The following KHDRBS2 variants were observed in gnomAD, a reference collection of about 807,000 sequenced individuals.
KHDRBS2 encodes KH domain-containing, RNA-binding, signal transduction-associated protein 2.
In KHDRBS2, 26 loss-of-function variants were observed where a neutral mutation model predicts 44.3. The observed-to-expected ratio is 0.59, with a 90% CI of 0.43 to 0.81. The LOEUF is 0.81. Among genes scored for constraint, KHDRBS2 ranks in the 40% least tolerant of loss-of-function variants. KHDRBS2 has a pLI of 0.00. For missense variants in KHDRBS2, 476 were observed against 433.1 expected (o/e 1.10, Z -0.88); for synonymous variants, 194 against 151.1 (o/e 1.28, Z -2.08).
intron 6 of KHDRBS2, among the ~76,000 whole-genome samples, chr6:61,794,975 C>G (rs1454838740): frequency 6.6e-6 from 1 of 151,488 alleles, no homozygotes; most frequent in Non-Finnish European, 1.5e-5. Context: ...CCTGTCTCTA[C>G]TAAAAATACA....
At chr6:61,976,516 G>T (rs1172042705) in intron 4 of KHDRBS2, among the ~76,000 whole-genome samples, 4 of 151,512 alleles carry the variant, frequency 2.6e-5, no homozygotes, top group South Asian at 2.1e-4. Context: ...TAACTATGCA[G>T]AAAATCATCC....
intron 6 of KHDRBS2, among the ~76,000 whole-genome samples, chr6:61,787,935 T>C (rs1370107200): frequency 6.6e-6 from 1 of 151,618 alleles, no homozygotes; most frequent in African/African-American, 2.4e-5. Flanking sequence ...TTATGCATAG[T>C]TCTGAATAAC....
chr6:61,896,363 A>C lies in KHDRBS2; in HGVS notation c.612-1530T>G, dbSNP rs535849609. On this transcript the variant is annotated intron_variant, in intron 5 of 8. Transcript: ENST00000281156. ...TTGAATAGTCATGGGTAAGTATTAT[A>C]ACTACCTAGGCTTAAGATAGATATT... is the stretch of plus-strand genomic sequence containing the variant. Among the ~76,000 whole-genome samples, 6 of 152,320 alleles carry C rather than the reference A, an allele frequency of 3.9e-5. No homozygotes were observed. The South Asian group carries it at 1.2e-3, about 32-fold the overall frequency.
chr6:61,799,011 A>G (rs562318450), intron 6 of KHDRBS2, among the ~76,000 whole-genome samples: 2 of 152,160 alleles, frequency 1.3e-5, no homozygotes, highest in South Asian at 4.1e-4. Flanking sequence ...AAAGGAGCCA[A>G]AGGAACAGGT....
chr6:62,225,637 G>T (rs765518972), intron 1 of KHDRBS2, among the ~76,000 whole-genome samples: 1 of 152,116 alleles, frequency 6.6e-6, no homozygotes, highest in Non-Finnish European at 1.5e-5. Flanking sequence ...CGTCATGTAG[G>T]TTTTAAGCCC....
chr6:61,818,325 G>C (rs1262559194), intron 6 of KHDRBS2, among the ~76,000 whole-genome samples: 1 of 146,678 alleles, frequency 6.8e-6, no homozygotes, highest in East Asian at 2.0e-4. Flanking sequence ...GAAAAGGATA[G>C]AAAAAAGACG....
chr6:61,998,573 G>A (rs1473144211), intron 3 of KHDRBS2, among the ~76,000 whole-genome samples: 2 of 151,936 alleles, frequency 1.3e-5, no homozygotes, highest in African/African-American at 4.8e-5. Flanking sequence ...TATTTTTGGA[G>A]GTCACTTTAA....
intron 1 of KHDRBS2, among the ~76,000 whole-genome samples, chr6:62,282,637 G>A (rs1487465326): frequency 6.6e-6 from 1 of 151,956 alleles, no homozygotes; most frequent in Non-Finnish European, 1.5e-5. Flanking sequence ...ATAGACTTAA[G>A]AACATAAATC....
At chr6:62,029,321 C>CT (rs561505661) in intron 3 of KHDRBS2, among the ~76,000 whole-genome samples, 173 of 150,540 alleles carry the variant, frequency 1.1e-3, no homozygotes, top group African/African-American at 1.6e-3. Flanking sequence ...TGGATGGGGA[C>CT]TTTTTTTTTA....
chr6:61,822,721 C>A (rs1248549877), intron 6 of KHDRBS2, among the ~76,000 whole-genome samples: 2 of 152,040 alleles, frequency 1.3e-5, no homozygotes, highest in African/African-American at 4.8e-5. Context: ...GTTCTCTGCA[C>A]TATGTCAGCA....
chr6:62,286,003 G>T lies in KHDRBS2; in HGVS notation c.-55C>A. ...AGCGCGAGGTTCCGCTCGCTCGGAC[G>T]CAGGCAGGGTCTTGGGGCAGCGCCT... On this transcript the variant is annotated 5_prime_UTR_variant, in exon 1 of 9. Transcript: ENST00000281156. 8.9e-7 allele frequency: 1 copy of T among 1,120,096 alleles called. No individual in the cohort carries two copies. Among genetic ancestry groups the T allele is most frequent in the Non-Finnish European group, 1.3e-6 (1 of 746,780 alleles). The allele number at this position is 1,120,096 out of a possible 1,614,324, so 69.4% of individuals were successfully genotyped here. A position where few individuals can be genotyped will look rare whatever the true frequency, so the allele number is the denominator to read the frequency against.
At chr6:61,797,725 T>TTGTGTGTGTGTGTGTG (rs56038952) in intron 6 of KHDRBS2, among the ~76,000 whole-genome samples, 1 of 114,752 alleles carries the variant, frequency 8.7e-6, no homozygotes, top group Non-Finnish European at 2.1e-5. Flanking sequence ...GTATGGTGTT[T>TTGTGTGTGTGTGTGTG]TGTGTGTGTG....
chr6:62,229,071 T>C (rs964763013), intron 1 of KHDRBS2, among the ~76,000 whole-genome samples: 1 of 152,118 alleles, frequency 6.6e-6, no homozygotes, highest in East Asian at 1.9e-4. Flanking sequence ...AACACAATCA[T>C]CTGGGCTGCC....
chr6:61,901,098 A>T, intron 5 of KHDRBS2, 146 bp downstream of exon 5: 1 of 739,874 alleles, frequency 1.4e-6, no homozygotes, highest in Non-Finnish European at 2.2e-6. Context: ...TCTGTGCCTG[A>T]TAAGCTTTCA....
At chr6:61,841,742 A>G (rs72880666) in intron 6 of KHDRBS2, among the ~76,000 whole-genome samples, 3,957 of 152,312 alleles carry the variant, frequency 0.026, 81 homozygotes, top group Non-Finnish European at 0.038. Context: ...GGCATTTATT[A>G]TAAAGCATAC....
chr6:61,901,333 T>C lies in KHDRBS2; in HGVS notation c.522A>G (p.Glu174=). ...NDEIRQEQLR[E]LSYLNGSEDS... ...CCTCTGAGCCATTTAAGTAAGATAA[T>C]TCACGTAGTTGTTCCTGACGAATTT... Residue 174 remains glutamate (E), a synonymous_variant, in exon 5 of 9, where the codon GAA becomes GAG. Coordinates refer to ENST00000281156, the MANE Select transcript of KHDRBS2 (RefSeq NM_152688.4). 6.2e-7 allele frequency: 1 copy of C among 1,613,334 alleles called. No individual in the cohort carries two copies. Among genetic ancestry groups the C allele is most frequent in the East Asian group, 2.2e-5 (1 of 44,840 alleles).
At chr6:61,728,632 T>C (rs1393639051) in intron 7 of KHDRBS2, among the ~76,000 whole-genome samples, 4 of 152,280 alleles carry the variant, frequency 2.6e-5, no homozygotes, top group African/African-American at 7.2e-5. Context: ...TTTATTAACA[T>C]AGATAGATGT....
At chr6:62,082,293 G>A (rs1584579639) in intron 2 of KHDRBS2, among the ~76,000 whole-genome samples, 1 of 138,848 alleles carries the variant, frequency 7.2e-6, no homozygotes, top group Non-Finnish European at 1.5e-5. Flanking sequence ...AGTTTAAAGA[G>A]AGAGCAAATA....
rs1261300551 is a variant in KHDRBS2 at position 62,064,086 on chromosome 6, C to A, written c.220-16092G>T. Among the ~76,000 whole-genome samples, 4 of 108,034 alleles carry A rather than the reference C, an allele frequency of 3.7e-5. 1 individual carries two copies. Among genetic ancestry groups the A allele is most frequent in the African/African-American group, 6.1e-5 (2 of 32,952 alleles). 70.9% of individuals were successfully genotyped at this position (108,034 alleles called of 152,430 possible). On this transcript the variant is annotated intron_variant, in intron 2 of 8. Coordinates refer to ENST00000281156, the MANE Select transcript of KHDRBS2 (RefSeq NM_152688.4). ...TCCAACTTACAAGGGACGTGAAGGA[C>A]CTCTTCAAGGAGAACTACAAACCAC... is the stretch of plus-strand genomic sequence containing the variant.
Sources: gnomAD v4.1 joint callset for allele counts (sites outside exome capture counted in the v4.1 genomes callset) on GRCh38, gnomAD v4.1.1 for gene constraint, MANE v1.5 for transcripts, NCBI Gene and HGNC (gene_info 2026-07-23, HGNC 2026-07-21) for gene names.